RBFOX1: variants seen among roughly 807,000 people sequenced by gnomAD.
RBFOX1 encodes the protein RNA binding protein fox-1 homolog 1.
Under a neutral mutation model 57.7 loss-of-function variants are expected in RBFOX1, and 8 were observed. The ratio of observed to expected loss-of-function variants is 0.14; its 90% CI spans 0.08 to 0.25. The LOEUF is 0.25. Among genes scored for constraint, RBFOX1 ranks in the 10% least tolerant of loss-of-function variants. The pLI, the probability that RBFOX1 is intolerant of heterozygous loss-of-function variation, is 1.00. For missense variants in RBFOX1, 611 were observed against 548.5 expected, an observed-to-expected ratio of 1.11 and a Z score of -1.14; for synonymous variants, 326 against 222.4, an observed-to-expected ratio of 1.47 and a Z score of -4.15.
At chr16:6,365,207 G>A (rs910047393) in intron 2 of RBFOX1, among the ~76,000 whole-genome samples, 1 of 152,160 alleles carries the variant, frequency 6.6e-6, no homozygotes, top group South Asian at 2.1e-4. Flanking sequence ...TAGATGGATG[G>A]GTAGATGAAT....
intron 2 of RBFOX1, among the ~76,000 whole-genome samples, chr16:6,519,414 A>G (rs985462376): frequency 1.3e-5 from 2 of 152,140 alleles, no homozygotes; most frequent in African/African-American, 2.4e-5. Flanking sequence ...TCTGATGGAA[A>G]CTGTGGCTGG....
At chr16:6,815,622 A>T (rs1011625992) in intron 3 of RBFOX1, among the ~76,000 whole-genome samples, 1 of 152,214 alleles carries the variant, frequency 6.6e-6, no homozygotes, top group African/African-American at 2.4e-5. Flanking sequence ...AACTTGAAGC[A>T]AATGAGTGAC....
rs80280716 is a variant in RBFOX1, at chr16:5,907,766, T to C, written c.351+40431T>C. ...TCATCATCATCATCATCATCATCAT[T>C]TGAGATGGCATCTTTTCTCTATTGC... On this transcript the variant is annotated intron_variant, in intron 4 of 19. Transcript: ENST00000641259. 9.7e-3 allele frequency among the ~76,000 whole-genome samples: 1,276 copies of C among 132,182 alleles called. 27 individuals carry two copies. Among genetic ancestry groups the C allele is most frequent in the African/African-American group, 0.045 (1,212 of 26,692 alleles). The allele number at this position is 132,182 out of a possible 152,430, so 86.7% of individuals were successfully genotyped here. A position where few individuals can be genotyped will look rare whatever the true frequency, so the allele number is the denominator to read the frequency against.
chr16:7,513,285 AT>A (rs568998892), intron 4 of RBFOX1, among the ~76,000 whole-genome samples: 104,997 of 148,430 alleles, frequency 0.71, 39,891 homozygotes, highest in Middle Eastern at 0.87. Flanking sequence ...AATAAAAATA[AT>A]GAATGAATGA....
chr16:6,775,596 G>C (rs2079187252), intron 3 of RBFOX1: 1 of 152,174 alleles, frequency 6.6e-6, no homozygotes, highest in South Asian at 2.1e-4. Flanking sequence ...GGTTCTGACA[G>C]TTATCTCTCT....
At chr16:6,421,629 C>A (rs372042858) in intron 2 of RBFOX1, among the ~76,000 whole-genome samples, 2 of 152,286 alleles carry the variant, frequency 1.3e-5, no homozygotes, top group South Asian at 2.1e-4. Flanking sequence ...TGCCTCCTAG[C>A]GTCACCACGA....
intron 11 of RBFOX1, among the ~76,000 whole-genome samples, chr16:7,652,358 C>T (rs2065249903): frequency 6.7e-6 from 1 of 149,972 alleles, no homozygotes; most frequent in South Asian, 2.1e-4. Flanking sequence ...CTCCTCCTCA[C>T]CTCCTCATCT....
chr16:5,350,681 C>T (rs1028570276), intron 1 of RBFOX1, among the ~76,000 whole-genome samples: 2 of 152,134 alleles, frequency 1.3e-5, no homozygotes, highest in Non-Finnish European at 2.9e-5. Context: ...GCCTGGCCAA[C>T]ATGGTGAAAC....
chr16:7,534,265 G>A (rs559275657), intron 5 of RBFOX1, among the ~76,000 whole-genome samples: 1 of 147,008 alleles, frequency 6.8e-6, no homozygotes, highest in African/African-American at 2.5e-5. Context: ...TTTTTTTTTT[G>A]TATTTTTAGT....
chr16:5,513,657 T>C (rs1597363378), intron 2 of RBFOX1, among the ~76,000 whole-genome samples: 1 of 152,248 alleles, frequency 6.6e-6, no homozygotes, highest in South Asian at 2.1e-4. Flanking sequence ...TTTGTTTATT[T>C]ATTCAATCAT....
At chr16:6,903,657 T>C (rs1226310951) in intron 3 of RBFOX1, among the ~76,000 whole-genome samples, 1 of 152,144 alleles carries the variant, frequency 6.6e-6, no homozygotes, top group Non-Finnish European at 1.5e-5. Flanking sequence ...TAAGCAGGTG[T>C]TCTCTTTACC....
At chr16:5,373,938 A>G (rs1205730332) in intron 1 of RBFOX1, among the ~76,000 whole-genome samples, 1 of 150,796 alleles carries the variant, frequency 6.6e-6, no homozygotes, top group African/African-American at 2.4e-5. Context: ...CCAGTTTGAG[A>G]TGGAGTCTTA....
intron 2 of RBFOX1, among the ~76,000 whole-genome samples, chr16:6,487,939 T>C (rs2095542762): frequency 6.6e-6 from 1 of 151,896 alleles, no homozygotes; most frequent in Non-Finnish European, 1.5e-5. Flanking sequence ...GTTTTTGGTT[T>C]GTTCGTTAAG....
intron 1 of RBFOX1, among the ~76,000 whole-genome samples, chr16:5,327,304 C>T (rs546221970): frequency 1.5e-3 from 230 of 152,204 alleles, no homozygotes; most frequent in African/African-American, 5.3e-3. Flanking sequence ...GAGTCTGTAT[C>T]CCTGGAGAGA....
chr16:6,977,060 A>C (rs148706647), intron 3 of RBFOX1, among the ~76,000 whole-genome samples: 4,109 of 145,254 alleles, frequency 0.028, 185 homozygotes, highest in African/African-American at 0.096. Flanking sequence ...ATCATGTATG[A>C]GATATACTTT....
In RBFOX1 at chr16:7,047,614, T is replaced by C. The variant is rs576435109; in HGVS notation, c.-15-4443T>C. On this transcript the variant is annotated intron_variant, in intron 3 of 15. Transcript: ENST00000550418. The stretch of plus-strand genomic sequence containing the variant: ...GTAGGAAGTTTTCAGCCATTATTTC[T>C]TAATTTTTTTTTTTGCAGTGAACTC... 1.8e-3 allele frequency among the ~76,000 whole-genome samples: 215 copies of C among 116,226 alleles called. 2 individuals are homozygous for C. The highest frequency in any genetic ancestry group is 5.1e-3 in the African/African-American group (206 of 40,304). The allele number at this position is 116,226 out of a possible 152,430, so 76.2% of individuals were successfully genotyped here.
Position 6,407,480 on chromosome 16 carries a change from A to T in RBFOX1, c.-64+90423A>T, listed in dbSNP as rs188576951. Among the ~76,000 whole-genome samples the T allele has an allele frequency of 3.1e-3, 468 of 152,036 alleles. 1 individual carries two copies. The highest frequency in any genetic ancestry group is 5.7e-3 in the Non-Finnish European group (386 of 68,016). On this transcript the variant is annotated intron_variant, in intron 2 of 15. Coordinates refer to ENST00000550418, the MANE Select transcript of RBFOX1 (RefSeq NM_018723.4). ...TCTATGTCTGTATTTATACACACAC[A>T]CATATATATAGAGAGAGGCAGAGAC...
At chr16:6,399,920 A>G (rs906313609) in intron 2 of RBFOX1, among the ~76,000 whole-genome samples, 10 of 152,158 alleles carry the variant, frequency 6.6e-5, no homozygotes, top group African/African-American at 2.4e-4. Context: ...AAACCCCCAG[A>G]TCTCGTGAGA....
rs373064269 is a variant in RBFOX1 at position 6,721,625 on chromosome 16, T to C, written c.-16+66975T>C. Among the ~76,000 whole-genome samples, 80 of 152,284 alleles carry C rather than the reference T, an allele frequency of 5.3e-4. 1 individual carries two copies. The highest frequency in any genetic ancestry group is 1.6e-3 in the African/African-American group (67 of 41,564). On this transcript the variant is annotated intron_variant, in intron 3 of 15. Coordinates refer to ENST00000550418, the MANE Select transcript of RBFOX1 (RefSeq NM_018723.4). ...CCCTCCAGCTCCTGGCAACCACCAT[T>C]CCACTTTCCCTCTTTGTGAATTCCT...
Sources: gnomAD v4.1 joint callset for allele counts (sites outside exome capture counted in the v4.1 genomes callset) on GRCh38, gnomAD v4.1.1 for gene constraint, MANE v1.5 for transcripts, NCBI Gene and HGNC (gene_info 2026-07-23, HGNC 2026-07-21) for gene names.